DPYD: variants seen among roughly 807,000 people sequenced by gnomAD.
DPYD encodes the protein dihydropyrimidine dehydrogenase [NADP(+)].
Under a neutral mutation model 116.2 loss-of-function variants are expected in DPYD, and 109 were observed. The ratio of observed to expected loss-of-function variants is 0.94; its 90% CI spans 0.80 to 1.10. DPYD has a LOEUF of 1.10. Among genes scored for constraint, DPYD ranks in the 50% least tolerant of loss-of-function variants. The probability of loss-of-function intolerance (pLI) is 0.00; values close to 1 mark genes in which losing one functional copy is unlikely to be tolerated. For missense variants in DPYD, 1,302 were observed against 1,254.5 expected, an observed-to-expected ratio of 1.04 and a Z score of -0.57; for synonymous variants, 440 against 432.0, an observed-to-expected ratio of 1.02 and a Z score of -0.23.
At chr1:97,323,997 C>A (rs188091672) in intron 16 of DPYD, among the ~76,000 whole-genome samples, 92 of 152,020 alleles carry the variant, frequency 6.1e-4, no homozygotes, top group Non-Finnish European at 9.7e-4. Flanking sequence ...AAAGTTTTAA[C>A]CTCACAATCA....
chr1:97,261,493 CTTTTTTT>C (rs1210765677), intron 18 of DPYD, among the ~76,000 whole-genome samples: 1 of 122,474 alleles, frequency 8.2e-6, no homozygotes, highest in Admixed American at 8.4e-5. Flanking sequence ...GACTATGCAT[CTTTTTTT>C]TTTTTTTTTT....
At chr1:97,144,203 T>C (rs762171005) in intron 20 of DPYD, among the ~76,000 whole-genome samples, 7 of 152,224 alleles carry the variant, frequency 4.6e-5, no homozygotes, top group Non-Finnish European at 1.0e-4. Flanking sequence ...TGCAGAGACA[T>C]AGGCAAATGC....
chr1:97,684,097 T>C (rs1486806804), intron 7 of DPYD, among the ~76,000 whole-genome samples: 1 of 152,186 alleles, frequency 6.6e-6, no homozygotes, highest in Non-Finnish European at 1.5e-5. Flanking sequence ...ATTTTTCTCT[T>C]GCTTGTCTAG....
rs959179569 is a variant in DPYD at position 97,778,618 on chromosome 1, A to G, written c.234-38139T>C. On this transcript the variant is annotated intron_variant, in intron 3 of 22. Coordinates refer to ENST00000370192, the MANE Select transcript of DPYD (RefSeq NM_000110.4). ...CAACAGGACTATAACCTAAAATGTT[A>G]TATCTTAAAACATGTAAACTCACTT... Among the ~76,000 whole-genome samples, 3 of 152,190 alleles carry G rather than the reference A, an allele frequency of 2.0e-5. No homozygotes were observed. In the South Asian group the frequency reaches 6.2e-4, roughly 31 times the overall value.
rs1491102234 is a variant in DPYD at position 97,203,662 on chromosome 1, A to AAC, written c.2443-10415_2443-10414insGT. ...AAAAAATAATAAAGGATGAGTTCAG[A>AAC]CCCCCCCCCCCCAAAAAAAAAAAAA... On this transcript the variant is annotated intron_variant, in intron 19 of 22. Coordinates refer to ENST00000370192, the MANE Select transcript of DPYD (RefSeq NM_000110.4). 2.3e-4 allele frequency among the ~76,000 whole-genome samples: 5 copies of AAC among 21,586 alleles called. No homozygotes were observed. In the East Asian group the frequency reaches 0.036, roughly 156 times the overall value. 14.2% of individuals were successfully genotyped at this position (21,586 alleles called of 152,430 possible). A position where few individuals can be genotyped will look rare whatever the true frequency, so the allele number is the denominator to read the frequency against.
chr1:97,328,246 C>T (rs910435702), intron 16 of DPYD, among the ~76,000 whole-genome samples: 7 of 152,090 alleles, frequency 4.6e-5, no homozygotes, highest in African/African-American at 1.7e-4. Context: ...TTGCCTAAAC[C>T]TTATACACCA....
At chr1:97,155,128 C>A (rs1238021595) in intron 20 of DPYD, among the ~76,000 whole-genome samples, 1 of 152,030 alleles carries the variant, frequency 6.6e-6, no homozygotes, top group Non-Finnish European at 1.5e-5. Context: ...TATATGTGGC[C>A]TGAATAGTTG....
intron 16 of DPYD, among the ~76,000 whole-genome samples, chr1:97,340,562 T>C (rs1669540355): frequency 6.6e-6 from 1 of 152,112 alleles, no homozygotes; most frequent in East Asian, 1.9e-4. Context: ...TGGTCCCAGC[T>C]ACTTTCGGGA....
At chr1:97,508,391 C>T (rs973275889) in intron 13 of DPYD, among the ~76,000 whole-genome samples, 7 of 151,966 alleles carry the variant, frequency 4.6e-5, no homozygotes, top group African/African-American at 1.7e-4. Flanking sequence ...TGTTGGAGAA[C>T]TAGAAAGGGG....
intron 1 of DPYD, among the ~76,000 whole-genome samples, chr1:97,892,155 A>G (rs1017938224): frequency 6.6e-6 from 1 of 151,816 alleles, no homozygotes; most frequent in South Asian, 2.1e-4. Flanking sequence ...TTTGATTTCA[A>G]TATAACATTG....
intron 8 of DPYD, among the ~76,000 whole-genome samples, chr1:97,643,754 TA>T (rs1246193321): frequency 1.3e-5 from 2 of 152,012 alleles, no homozygotes; most frequent in Non-Finnish European, 2.9e-5. Context: ...TATGCAGCCA[TA>T]AAAAAGGATG....
intron 14 of DPYD, among the ~76,000 whole-genome samples, chr1:97,407,634 C>T (rs556954239): frequency 1.5e-3 from 230 of 152,190 alleles, no homozygotes; most frequent in African/African-American, 5.5e-3. Context: ...AGGGCTGGGG[C>T]AAAGTTCTCC....
At chr1:97,116,208 A>G (rs1651948963) in intron 20 of DPYD, among the ~76,000 whole-genome samples, 1 of 152,096 alleles carries the variant, frequency 6.6e-6, no homozygotes, top group African/African-American at 2.4e-5. Context: ...ACTTAAACCA[A>G]TGTTTGCTGA....
chr1:97,601,089 G>C (rs1434142130), intron 8 of DPYD, among the ~76,000 whole-genome samples: 2 of 152,040 alleles, frequency 1.3e-5, no homozygotes, highest in African/African-American at 4.8e-5. Context: ...CATTGACCTA[G>C]GGTCTAAAGA....
At position 97,187,607 on chromosome 1, in the gene DPYD, C is replaced by T. The variant is rs192139720; in HGVS notation, c.2622+5462G>A. On this transcript the variant is annotated intron_variant, in intron 20 of 22. Transcript: ENST00000370192. Reference sequence around the variant, plus strand: ...CATTTGTCTATTTTTGGTTTTGTTGCATTTGTTTTTGAGGTCTTTGTCATA... The same window carrying T: ...CATTTGTCTATTTTTGGTTTTGTTGTATTTGTTTTTGAGGTCTTTGTCATA... Among the ~76,000 whole-genome samples the T allele has an allele frequency of 4.6e-3, 704 of 152,102 alleles. 2 individuals are homozygous for T. The highest frequency in any genetic ancestry group is 8.6e-3 in the Non-Finnish European group (585 of 67,972).
At chr1:97,771,676 A>G (rs1666150108) in intron 3 of DPYD, among the ~76,000 whole-genome samples, 1 of 152,182 alleles carries the variant, frequency 6.6e-6, no homozygotes, top group Non-Finnish European at 1.5e-5. Flanking sequence ...AAAACTAATT[A>G]TATAACCCAT....
intron 8 of DPYD, among the ~76,000 whole-genome samples, chr1:97,671,479 A>G (rs1659855918): frequency 6.6e-6 from 1 of 152,196 alleles, no homozygotes; most frequent in Non-Finnish European, 1.5e-5. Context: ...ATCAGAACTA[A>G]TGAATATGTC....
chr1:97,320,635 T>G (rs1375600829), intron 16 of DPYD, among the ~76,000 whole-genome samples: 1 of 82,872 alleles, frequency 1.2e-5, no homozygotes, highest in Admixed American at 1.4e-4. Context: ...GAAGAGTCAA[T>G]ATCGTGAAAA....
At chr1:97,098,768 C>A in intron 20 of DPYD, 136 bp from the exon 21 acceptor site, 1 of 1,027,778 alleles carries the variant, frequency 9.7e-7, no homozygotes, top group Admixed American at 2.2e-5. Context: ...ACTAGGTCTT[C>A]ACTCATTGTT....
Sources: allele counts gnomAD v4.1 joint callset (sites outside exome capture counted in the v4.1 genomes callset), GRCh38; gene constraint gnomAD v4.1.1; transcripts MANE v1.5; gene names NCBI Gene and HGNC (gene_info 2026-07-23, HGNC 2026-07-21).